Variants in CDH3 observed in about 807,000 individuals in gnomAD.
CDH3 encodes the protein cadherin 3, also known as cadherin-3.
Under a neutral mutation model 82.0 loss-of-function variants are expected in CDH3, and 54 were observed. The observed-to-expected ratio is 0.66, with a 90% CI of 0.53 to 0.83. The LOEUF (loss-of-function observed/expected upper bound fraction) is 0.83. Among genes scored for constraint, CDH3 ranks in the 40% least tolerant of loss-of-function variants. The pLI is 0.00. For missense variants in CDH3, 1,054 were observed against 1,084.6 expected (o/e 0.97, Z 0.40); for synonymous variants, 446 against 437.9 (o/e 1.02, Z -0.23).
intron 2 of CDH3, among the ~76,000 whole-genome samples, chr16:68,664,819 C>G (rs1960690850): frequency 6.6e-6 from 1 of 151,882 alleles, no homozygotes; most frequent in African/African-American, 2.4e-5. Flanking sequence ...CTATCACTCC[C>G]AGCTAATTTT....
At chr16:68,693,900 C>T (rs1404550834) in intron 13 of CDH3, among the ~76,000 whole-genome samples, 1 of 152,100 alleles carries the variant, frequency 6.6e-6, no homozygotes, top group Non-Finnish European at 1.5e-5. Flanking sequence ...GCCAGTTCCC[C>T]CCATGTCCAA....
rs200737028 is a variant in CDH3 at position 68,678,520 on chromosome 16, G to A, written c.410G>A (p.Arg137Lys). 9.4e-5 allele frequency: 151 copies of A among 1,614,222 alleles called. No homozygotes were observed. Among genetic ancestry groups the A allele is most frequent in the Admixed American group, 4.2e-4 (25 of 60,016 alleles). Residue 137 changes from arginine to lysine, a missense_variant, in exon 5 of 16, where the codon AGA becomes AAA. Arg to Lys is a conservative substitution (Grantham distance 26). Coordinates refer to ENST00000264012, the MANE Select transcript of CDH3 (RefSeq NM_001793.6). ...RLNQLKSNKDRDTKIFYSITG... is the reference protein window; with the variant it reads ...RLNQLKSNKDKDTKIFYSITG... ...CTCCAGCTCAAGTCTAATAAAGATA[G>A]AGACACCAAGATTTTCTACAGCATC...
chr16:68,732,961 G>A, the CDH3 span, among the ~76,000 whole-genome samples: 1 of 138,860 alleles, frequency 7.2e-6, no homozygotes. Flanking sequence ...GGGGGTGGGG[G>A]AAGGAGAGCC....
rs1384363306 is a variant in CDH3 at position 68,681,025 on chromosome 16, A to AC, written c.927dup (p.Thr310HisfsTer11). ...CACAGACATGGATGGGGACGGCTCC[A>AC]CCACCACGGCAGTGGCAGTAGTGGA... On this transcript the variant is annotated frameshift_variant, in exon 8 of 16. Coordinates refer to ENST00000264012, the MANE Select transcript of CDH3 (RefSeq NM_001793.6). LOFTEE classifies it high-confidence loss of function. The AC allele has an allele frequency of 6.2e-7, 1 of 1,613,876 alleles. No individual in the cohort carries two copies. Among genetic ancestry groups the AC allele is most frequent in the African/African-American group, 1.3e-5 (1 of 74,904 alleles).
intron 2 of CDH3, among the ~76,000 whole-genome samples, chr16:68,665,002 T>G (rs1442692040): frequency 6.6e-6 from 1 of 152,224 alleles, no homozygotes; most frequent in Admixed American, 6.5e-5. Context: ...CAGTTGATCC[T>G]ATTTTTAAAC....
chr16:68,723,896 C>T (rs1210909451), intron 2 of CDH3, among the ~76,000 whole-genome samples: 2 of 152,102 alleles, frequency 1.3e-5, no homozygotes, highest in Non-Finnish European at 2.9e-5. Flanking sequence ...GGTGAAACCC[C>T]GTCTCTACTA....
chr16:68,678,387 C>T (rs960415974), intron 4 of CDH3, 110 bp downstream of exon 4: 49 of 1,582,182 alleles, frequency 3.1e-5, no homozygotes, highest in Non-Finnish European at 1.6e-5. Context: ...AGAAAAACCT[C>T]TCCTGTTCAG....
intron 2 of CDH3, among the ~76,000 whole-genome samples, chr16:68,648,450 CTTT>C (rs112124775): frequency 6.3e-5 from 9 of 143,386 alleles, no homozygotes; most frequent in Non-Finnish European, 1.2e-4. Flanking sequence ...AGTTCCCTGG[CTTT>C]TTTTTTTTTT....
At chr16:68,731,047 A>AT (rs1262844091), downstream of CDH3, among the ~76,000 whole-genome samples, 1 of 26,352 alleles carries the variant, frequency 3.8e-5, no homozygotes, top group Non-Finnish European at 6.5e-5. Context: ...AAAAAAAAAA[A>AT]ATATATATAT....
At position 68,691,700 on chromosome 16, in the gene CDH3, CA is replaced by C. The variant is rs748291529; in HGVS notation, c.1796-18del. The stretch of plus-strand genomic sequence containing the variant: ...CGCACTGATGGTTCCCACAGCTAAT[CA>C]ATGATCTGTTCACTCCAGGTGACAC... On this transcript the variant is annotated intron_variant, in intron 12 of 15. Coordinates refer to ENST00000264012, the MANE Select transcript of CDH3 (RefSeq NM_001793.6). 1 of 1,600,094 alleles carries C rather than the reference CA, an allele frequency of 6.2e-7. No homozygotes were observed. The highest frequency in any genetic ancestry group is 8.6e-7 in the Non-Finnish European group (1 of 1,167,344).
intron 10 of CDH3, 94 bp from the exon 11 acceptor site, chr16:68,685,111 G>A (rs2152102825): frequency 6.9e-7 from 1 of 1,439,906 alleles, no homozygotes; most frequent in Non-Finnish European, 9.7e-7. Context: ...TAGGAGCCCA[G>A]AGGCCATCTG....
chr16:68,655,120 T>A (rs1447269628), intron 2 of CDH3, among the ~76,000 whole-genome samples: 2 of 152,118 alleles, frequency 1.3e-5, no homozygotes, highest in Non-Finnish European at 2.9e-5. Flanking sequence ...CAAGCAATCG[T>A]CTTGCCTCAC....
At chr16:68,688,433 C>T (rs1597815031) in intron 12 of CDH3, among the ~76,000 whole-genome samples, 1 of 151,896 alleles carries the variant, frequency 6.6e-6, no homozygotes, top group Non-Finnish European at 1.5e-5. Context: ...ACTAAAAATA[C>T]AAAAATTAGC....
At chr16:68,646,508 C>G (rs938204973) in intron 2 of CDH3, among the ~76,000 whole-genome samples, 2 of 137,166 alleles carry the variant, frequency 1.5e-5, no homozygotes, top group Non-Finnish European at 3.1e-5. Flanking sequence ...TCCTACCCCC[C>G]CCCTCCCCGC....
chr16:68,685,500 G>A (rs1252897464), intron 11 of CDH3, 150 bp downstream of exon 11: 4 of 836,806 alleles, frequency 4.8e-6, no homozygotes, highest in Non-Finnish European at 7.8e-6. Flanking sequence ...GTCTTTCAGA[G>A]GAGTCTTTTA....
intron 2 of CDH3, among the ~76,000 whole-genome samples, chr16:68,650,874 C>T (rs984440381): frequency 3.9e-5 from 6 of 151,942 alleles, no homozygotes; most frequent in Admixed American, 2.0e-4. Flanking sequence ...GGGGAATATC[C>T]CTGCTGCCAC....
intron 2 of CDH3, among the ~76,000 whole-genome samples, chr16:68,672,190 CAA>C (rs36172561): frequency 2.1e-4 from 15 of 71,144 alleles, no homozygotes; most frequent in Non-Finnish European, 2.6e-4. Flanking sequence ...GACTCCGTCT[CAA>C]AAAAAAAAAA....
chr16:68,695,104 A>G, intron 13 of CDH3, 151 bp from the exon 14 acceptor site: 1 of 834,440 alleles, frequency 1.2e-6, no homozygotes, highest in South Asian at 1.5e-5. Flanking sequence ...AAAGAGTTGA[A>G]GTTTTCCTAG....
chr16:68,726,954 G>A (rs1177762866), intron 2 of CDH3, among the ~76,000 whole-genome samples: 1 of 152,102 alleles, frequency 6.6e-6, no homozygotes, highest in Non-Finnish European at 1.5e-5. Flanking sequence ...TACCCAGATA[G>A]CTCATAAAGC....
Sources: allele counts gnomAD v4.1 joint callset (sites outside exome capture counted in the v4.1 genomes callset), GRCh38; gene constraint gnomAD v4.1.1; transcripts MANE v1.5; gene names NCBI Gene and HGNC (gene_info 2026-07-23, HGNC 2026-07-21).